Variants in SLC22A3 observed in about 807,000 individuals in gnomAD.
SLC22A3 encodes the protein EMT organic cation transporter 3.
Under a neutral mutation model 59.1 loss-of-function variants are expected in SLC22A3, and 51 were observed. That is an observed-to-expected ratio of 0.86 (90% CI 0.69 to 1.09). SLC22A3 has a LOEUF of 1.09. SLC22A3 is among the 50% of genes least tolerant of loss of function. SLC22A3 has a pLI of 0.00. For synonymous variants in SLC22A3, 325 were observed against 292.0 expected (o/e 1.11, Z -1.15); for missense variants, 711 against 726.3 (o/e 0.98, Z 0.24).
chr6:160,355,490 G>C (rs534629513), intron 1 of SLC22A3, among the ~76,000 whole-genome samples: 2 of 151,992 alleles, frequency 1.3e-5, no homozygotes, highest in South Asian at 4.1e-4. Flanking sequence ...GGCCGGGCAC[G>C]GTGGCTCACA....
chr6:160,359,880 G>T (rs394468), intron 1 of SLC22A3, among the ~76,000 whole-genome samples: 41,072 of 151,084 alleles, frequency 0.27, 5,600 homozygotes, highest in East Asian at 0.31. Flanking sequence ...ATTAACATTT[G>T]TAAACAGAGT....
At chr6:160,368,068 T>TG (rs1785269447) in intron 1 of SLC22A3, among the ~76,000 whole-genome samples, 1 of 152,124 alleles carries the variant, frequency 6.6e-6, no homozygotes, top group Non-Finnish European at 1.5e-5. Flanking sequence ...TATTGCCTGA[T>TG]AGTCATGTTG....
At chr6:160,371,210 T>G (rs1209313637) in intron 1 of SLC22A3, among the ~76,000 whole-genome samples, 1 of 152,210 alleles carries the variant, frequency 6.6e-6, no homozygotes, top group Non-Finnish European at 1.5e-5. Flanking sequence ...TACTTTAAGT[T>G]CTGGGATATG....
chr6:160,370,586 A>T (rs995145568), intron 1 of SLC22A3, among the ~76,000 whole-genome samples: 1 of 152,220 alleles, frequency 6.6e-6, no homozygotes, highest in Non-Finnish European at 1.5e-5. Flanking sequence ...TAGTTATACT[A>T]TACTCTCTAT....
At chr6:160,444,497 C>T (rs1788672638) in intron 9 of SLC22A3, among the ~76,000 whole-genome samples, 1 of 152,154 alleles carries the variant, frequency 6.6e-6, no homozygotes. Context: ...GGATCCCGGG[C>T]ACACATTCCA....
At chr6:160,430,355 T>C (rs942049375) in intron 5 of SLC22A3, among the ~76,000 whole-genome samples, 1 of 152,134 alleles carries the variant, frequency 6.6e-6, no homozygotes, top group Non-Finnish European at 1.5e-5. Flanking sequence ...CCTGACTGTC[T>C]TTTTTCTGAC....
At chr6:160,382,590 C>CT (rs907863521) in intron 1 of SLC22A3, among the ~76,000 whole-genome samples, 56 of 152,264 alleles carry the variant, frequency 3.7e-4, no homozygotes, top group African/African-American at 1.3e-3. Context: ...CTATTATCTA[C>CT]TAGCTTTAGG....
chr6:160,421,324 C>T (rs948081573), intron 5 of SLC22A3, among the ~76,000 whole-genome samples: 12 of 152,210 alleles, frequency 7.9e-5, no homozygotes, highest in African/African-American at 2.9e-4. Flanking sequence ...ACTTACTCTT[C>T]TCTCACTGCT....
At chr6:160,378,284 T>G (rs1043188509) in intron 1 of SLC22A3, among the ~76,000 whole-genome samples, 1 of 152,230 alleles carries the variant, frequency 6.6e-6, no homozygotes, top group African/African-American at 2.4e-5. Flanking sequence ...ATATTTAAAT[T>G]CTGTAGGCTA....
intron 2 of SLC22A3, among the ~76,000 whole-genome samples, chr6:160,406,618 C>A: frequency 6.6e-6 from 1 of 152,284 alleles, no homozygotes; most frequent in African/African-American, 2.4e-5. Context: ...TTTTGAAGAC[C>A]TTAGGAATTA....
chr6:160,418,132 C>G (rs1787579761), intron 5 of SLC22A3, among the ~76,000 whole-genome samples: 1 of 152,168 alleles, frequency 6.6e-6, no homozygotes, highest in South Asian at 2.1e-4. Context: ...ACATTTGAGT[C>G]AGTGGACTGG....
chr6:160,418,363 A>G (rs986381847), intron 5 of SLC22A3, among the ~76,000 whole-genome samples: 1 of 152,222 alleles, frequency 6.6e-6, no homozygotes, highest in African/African-American at 2.4e-5. Context: ...CTTTGGCCAC[A>G]TACTGAAGGC....
chr6:160,383,021 C>T (rs1448810159), intron 1 of SLC22A3, among the ~76,000 whole-genome samples: 1 of 152,004 alleles, frequency 6.6e-6, no homozygotes, highest in Non-Finnish European at 1.5e-5. Flanking sequence ...AAAAAATACC[C>T]ACAAAAAACA....
chr6:160,381,383 G>A (rs1203173108), intron 1 of SLC22A3, among the ~76,000 whole-genome samples: 1 of 152,160 alleles, frequency 6.6e-6, no homozygotes, highest in East Asian at 1.9e-4. Context: ...CATGGAGTAA[G>A]GTAAAACAGA....
chr6:160,372,801 T>C (rs1785448354), intron 1 of SLC22A3, among the ~76,000 whole-genome samples: 1 of 152,210 alleles, frequency 6.6e-6, no homozygotes, highest in Non-Finnish European at 1.5e-5. Context: ...CTATTGATAC[T>C]TGTGTATGCT....
intron 5 of SLC22A3, among the ~76,000 whole-genome samples, chr6:160,411,236 C>T (rs1344781757): frequency 6.6e-6 from 1 of 152,106 alleles, no homozygotes; most frequent in Non-Finnish European, 1.5e-5. Context: ...ATTGTACAAA[C>T]TGTAAAACTT....
intron 1 of SLC22A3, among the ~76,000 whole-genome samples, chr6:160,365,276 T>G (rs1785166611): frequency 6.6e-6 from 1 of 152,218 alleles, no homozygotes; most frequent in Non-Finnish European, 1.5e-5. Context: ...GAATTGAGGC[T>G]GGGAGCAGTT....
chr6:160,351,186 G>T (rs1283689560), intron 1 of SLC22A3, among the ~76,000 whole-genome samples: 1 of 152,150 alleles, frequency 6.6e-6, no homozygotes, highest in Non-Finnish European at 1.5e-5. Flanking sequence ...CGTGATCTCG[G>T]CTTACTGCAA....
intron 7 of SLC22A3, among the ~76,000 whole-genome samples, chr6:160,440,841 G>T (rs1788512179): frequency 6.6e-6 from 1 of 152,090 alleles, no homozygotes; most frequent in African/African-American, 2.4e-5. Context: ...TCAGATTAAG[G>T]TCAATGTTCC....
Sources: allele counts gnomAD v4.1 joint callset (sites outside exome capture counted in the v4.1 genomes callset), GRCh38; gene constraint gnomAD v4.1.1; transcripts MANE v1.5; gene names NCBI Gene and HGNC (gene_info 2026-07-23, HGNC 2026-07-21).